Variants in FRMD4A observed in about 807,000 individuals in gnomAD.
FRMD4A encodes FERM domain containing 4A, also known as FERM domain-containing protein 4A.
Under a neutral mutation model 129.1 loss-of-function variants are expected in FRMD4A, and 29 were observed. That is an observed-to-expected ratio of 0.22 (90% confidence interval 0.17 to 0.31). The LOEUF (loss-of-function observed/expected upper bound fraction) is 0.31, where lower values mean the gene tolerates loss of function less well. Ranked by LOEUF, FRMD4A falls within the 10% of genes least tolerant of loss-of-function variation. The pLI, the probability that FRMD4A is intolerant of heterozygous loss-of-function variation, is 1.00. For missense variants in FRMD4A, 1,272 were observed against 1,375.8 expected, an observed-to-expected ratio of 0.92 and a Z score of 1.19; for synonymous variants, 634 against 571.6, an observed-to-expected ratio of 1.11 and a Z score of -1.56.
chr10:13,740,829 T>TTTTG (rs1307340215), intron 9 of FRMD4A, among the ~76,000 whole-genome samples: 1 of 143,392 alleles, frequency 7.0e-6, no homozygotes, highest in African/African-American at 2.6e-5. Flanking sequence ...GGATGTTTGT[T>TTTTG]TTTTTTTTTT....
At chr10:14,307,223 GA>G (rs1846383687) in intron 2 of FRMD4A, among the ~76,000 whole-genome samples, 1 of 152,200 alleles carries the variant, frequency 6.6e-6, no homozygotes, top group Non-Finnish European at 1.5e-5. Context: ...TACTCATTTA[GA>G]ACCCAAGAAT....
intron 2 of FRMD4A, among the ~76,000 whole-genome samples, chr10:13,864,419 A>G (rs951747165): frequency 6.6e-6 from 1 of 151,778 alleles, no homozygotes; most frequent in Admixed American, 6.6e-5. Flanking sequence ...TTCAAAAAAA[A>G]GTCAACCCTA....
chr10:14,181,723 C>T (rs1386224308), intron 2 of FRMD4A, among the ~76,000 whole-genome samples: 5 of 152,152 alleles, frequency 3.3e-5, no homozygotes, highest in African/African-American at 4.8e-5. Flanking sequence ...TAGGGTCTCA[C>T]TCTGTTGTCC....
chr10:14,017,129 G>C (rs550434539), intron 2 of FRMD4A, among the ~76,000 whole-genome samples: 170 of 152,234 alleles, frequency 1.1e-3, no homozygotes, highest in Non-Finnish European at 2.1e-3. Flanking sequence ...CTACATGGTA[G>C]TAATGGCTTA....
chr10:14,283,429 C>T (rs1845585562), intron 2 of FRMD4A, among the ~76,000 whole-genome samples: 2 of 151,826 alleles, frequency 1.3e-5, no homozygotes, highest in East Asian at 3.9e-4. Flanking sequence ...TATTATTTTA[C>T]CCTCTATATC....
At chr10:13,688,720 T>A (rs908083689) in intron 15 of FRMD4A, among the ~76,000 whole-genome samples, 3 of 151,986 alleles carry the variant, frequency 2.0e-5, no homozygotes, top group African/African-American at 7.3e-5. Context: ...TTTTATTTAT[T>A]TACTTATTTT....
At position 13,646,580 on chromosome 10, in the gene FRMD4A, C is replaced by A. The variant is rs2081129707; in HGVS notation, c.*458G>T. ...TGGGTCACCCTGTAACTCAAGTCCC[C>A]TTTCCCGTTCTCTCCCAACGCTACT... On this transcript the variant is annotated 3_prime_UTR_variant, in exon 25 of 25. Coordinates refer to ENST00000357447, the MANE Select transcript of FRMD4A (RefSeq NM_018027.5). The A allele has an allele frequency of 6.6e-6, 1 of 152,364 alleles. No homozygotes were observed. Among genetic ancestry groups the A allele is most frequent in the Non-Finnish European group, 1.5e-5 (1 of 68,136 alleles). The allele number at this position is 152,364 out of a possible 1,614,324, so 9.4% of individuals were successfully genotyped here. A position where few individuals can be genotyped will look rare whatever the true frequency, so the allele number is the denominator to read the frequency against.
At chr10:13,719,486 C>A (rs1433782203) in intron 12 of FRMD4A, among the ~76,000 whole-genome samples, 1 of 152,090 alleles carries the variant, frequency 6.6e-6, no homozygotes, top group Non-Finnish European at 1.5e-5. Flanking sequence ...GACTGTAACA[C>A]CCTTGAGCCC....
intron 2 of FRMD4A, among the ~76,000 whole-genome samples, chr10:14,223,746 GAAAA>G (rs1160672002): frequency 1.6e-5 from 1 of 63,248 alleles, no homozygotes; most frequent in Non-Finnish European, 3.2e-5. Flanking sequence ...GTCTCAAAAT[GAAAA>G]AAAAAAAAAA....
intron 8 of FRMD4A, among the ~76,000 whole-genome samples, chr10:13,750,106 AAT>A (rs1279950081): frequency 0.013 from 294 of 23,328 alleles, 1 homozygote; most frequent in Middle Eastern, 0.057. Context: ...GAAAGAAAGA[AAT>A]GAAGAAAGAA....
At chr10:13,888,399 C>A (rs1405357472) in intron 2 of FRMD4A, among the ~76,000 whole-genome samples, 1 of 152,168 alleles carries the variant, frequency 6.6e-6, no homozygotes, top group Non-Finnish European at 1.5e-5. Flanking sequence ...TTGTTCCTTT[C>A]ATGACATTTC....
chr10:14,151,086 A>C (rs182569551), intron 2 of FRMD4A, among the ~76,000 whole-genome samples: 1 of 152,356 alleles, frequency 6.6e-6, no homozygotes, highest in Non-Finnish European at 1.5e-5. Context: ...AAGTTGCAGT[A>C]GTTCCTATTT....
At chr10:13,740,327 A>T in intron 10 of FRMD4A, 76 bp from the exon 11 acceptor site, 1 of 1,043,746 alleles carries the variant, frequency 9.6e-7, no homozygotes, top group East Asian at 2.4e-5. Flanking sequence ...ATCTGGTATC[A>T]TATATATATT....
chr10:13,702,061 G>A lies in FRMD4A; in HGVS notation c.837-583C>T, dbSNP rs117079639. ...TGTGCCCAGCCCCAATTCCCCCAAC[G>A]TCTGTCGATACATTTCATTTATATT... On this transcript the variant is annotated intron_variant, in intron 13 of 24. Transcript: ENST00000357447. 0.01 allele frequency among the ~76,000 whole-genome samples: 1,581 copies of A among 152,156 alleles called. 67 individuals carry two copies. The South Asian group carries it at 0.14, about 13-fold the overall frequency.
chr10:14,215,714 G>A (rs1843053841), intron 2 of FRMD4A, among the ~76,000 whole-genome samples: 2 of 152,122 alleles, frequency 1.3e-5, no homozygotes, highest in East Asian at 3.9e-4. Context: ...CTTGGGGGAA[G>A]CCTAGAGAGA....
At chr10:14,020,731 A>G (rs1243750411) in intron 2 of FRMD4A, among the ~76,000 whole-genome samples, 2 of 152,056 alleles carry the variant, frequency 1.3e-5, no homozygotes, top group Non-Finnish European at 2.9e-5. Context: ...GGCTCCTGCA[A>G]TTTTGGTAGC....
chr10:13,798,273 C>G (rs112440128), intron 4 of FRMD4A, among the ~76,000 whole-genome samples: 3,506 of 151,960 alleles, frequency 0.023, 149 homozygotes, highest in African/African-American at 0.081. Context: ...TTAGCTGGAC[C>G]TGGTGGCAGG....
rs3031967 is a variant in FRMD4A at position 13,706,749 on chromosome 10, GACACACAC to G, written c.836+280_836+287del. On this transcript the variant is annotated intron_variant, in intron 13 of 24. Transcript: ENST00000357447. ...GGCAGGTAAGACAAACACATACACT[GACACACAC>G]ACACACACACACACACACACACGAG... 4.9e-3 allele frequency among the ~76,000 whole-genome samples: 721 copies of G among 146,626 alleles called. 1 individual carries two copies. Among genetic ancestry groups the G allele is most frequent in the African/African-American group, 0.017 (676 of 39,622 alleles).
At chr10:13,876,719 C>T (rs146866179) in intron 2 of FRMD4A, among the ~76,000 whole-genome samples, 122 of 152,092 alleles carry the variant, frequency 8.0e-4, no homozygotes, top group African/African-American at 2.9e-3. Flanking sequence ...CAGTTGTAAA[C>T]ATTTTATTGA....
Sources: allele counts gnomAD v4.1 joint callset (sites outside exome capture counted in the v4.1 genomes callset), GRCh38; gene constraint gnomAD v4.1.1; transcripts MANE v1.5; gene names NCBI Gene and HGNC (gene_info 2026-07-23, HGNC 2026-07-21).